The following ANKRD6 variants were observed in gnomAD, a reference collection of about 807,000 sequenced individuals.
ANKRD6 encodes the protein ankyrin repeat domain-containing protein 6.
ANKRD6 carries 56 observed loss-of-function variants against 82.3 expected under a neutral mutation model. The ratio of observed to expected loss-of-function variants is 0.68; its 90% CI spans 0.55 to 0.85. The LOEUF is 0.85. Ranked by LOEUF, ANKRD6 falls within the 40% of genes least tolerant of loss-of-function variation. The pLI is 0.00. For synonymous variants in ANKRD6, 347 were observed against 352.1 expected (o/e 0.99, Z 0.16); for missense variants, 852 against 907.6 (o/e 0.94, Z 0.79).
chr6:89,592,073 G>C, intron 2 of ANKRD6, among the ~76,000 whole-genome samples: 1 of 152,220 alleles, frequency 6.6e-6, no homozygotes, highest in Admixed American at 6.5e-5. Flanking sequence ...AAGAGACACA[G>C]AGACTGGGAA....
chr6:89,555,967 G>T (rs1248409649), intron 1 of ANKRD6, among the ~76,000 whole-genome samples: 1 of 152,144 alleles, frequency 6.6e-6, no homozygotes, highest in African/African-American at 2.4e-5. Context: ...GCTTTTACAT[G>T]CAAATTCAGC....
chr6:89,605,600 C>G (rs1041642434), intron 4 of ANKRD6, among the ~76,000 whole-genome samples: 1 of 152,140 alleles, frequency 6.6e-6, no homozygotes, highest in African/African-American at 2.4e-5. Context: ...TCTCTGATGC[C>G]AGGAGCAGAG....
chr6:89,609,503 T>C (rs760250963), intron 5 of ANKRD6, among the ~76,000 whole-genome samples: 1 of 152,156 alleles, frequency 6.6e-6, no homozygotes, highest in African/African-American at 2.4e-5. Context: ...CGTTTCACCA[T>C]GTTGGCCAGA....
chr6:89,469,005 C>T (rs1026804967), intron 1 of ANKRD6, among the ~76,000 whole-genome samples: 1 of 152,086 alleles, frequency 6.6e-6, no homozygotes, highest in Non-Finnish European at 1.5e-5. Context: ...AAGCTGTCTC[C>T]TGGCTTTTGG....
chr6:89,446,170 T>C (rs1217913679), intron 1 of ANKRD6, among the ~76,000 whole-genome samples: 2 of 151,628 alleles, frequency 1.3e-5, no homozygotes, highest in African/African-American at 2.4e-5. Flanking sequence ...CTGACCAACA[T>C]GGTGAAACTC....
At chr6:89,474,074 C>T (rs995570470) in intron 1 of ANKRD6, among the ~76,000 whole-genome samples, 11 of 152,078 alleles carry the variant, frequency 7.2e-5, no homozygotes, top group East Asian at 1.9e-4. Context: ...TCCAAATAGA[C>T]GACTGTCTCA....
intron 1 of ANKRD6, chr6:89,508,744 G>T (rs1317449594): frequency 6.6e-6 from 1 of 152,144 alleles, no homozygotes; most frequent in Non-Finnish European, 1.5e-5. Context: ...TGTTGTGAAT[G>T]GTCCCCACTT....
chr6:89,434,234 A>C (rs961277948), intron 1 of ANKRD6, among the ~76,000 whole-genome samples: 2 of 152,006 alleles, frequency 1.3e-5, no homozygotes, highest in Non-Finnish European at 2.9e-5. Context: ...ATTGTACATA[A>C]CCTCGTAGTA....
At chr6:89,540,754 G>A (rs546642366) in intron 1 of ANKRD6, among the ~76,000 whole-genome samples, 1 of 152,284 alleles carries the variant, frequency 6.6e-6, no homozygotes, top group African/African-American at 2.4e-5. Flanking sequence ...TTGTTTCATG[G>A]TTGCGGTATT....
chr6:89,467,874 C>T (rs544839196), intron 1 of ANKRD6, among the ~76,000 whole-genome samples: 5 of 152,274 alleles, frequency 3.3e-5, no homozygotes, highest in South Asian at 4.1e-4. Context: ...GCATATATTT[C>T]GTGAAACCTG....
intron 1 of ANKRD6, among the ~76,000 whole-genome samples, chr6:89,535,452 A>T (rs1783709833): frequency 6.6e-6 from 1 of 152,222 alleles, no homozygotes; most frequent in Non-Finnish European, 1.5e-5. Context: ...ACAAGCACAC[A>T]CACTCACAGA....
At chr6:89,522,177 T>C (rs181963041) in intron 1 of ANKRD6, among the ~76,000 whole-genome samples, 1 of 152,340 alleles carries the variant, frequency 6.6e-6, no homozygotes, top group African/African-American at 2.4e-5. Context: ...ATTCTGAATC[T>C]AGTTAACTTC....
intron 1 of ANKRD6, among the ~76,000 whole-genome samples, chr6:89,529,991 C>T (rs865921381): frequency 2.4e-4 from 37 of 152,114 alleles, no homozygotes; most frequent in Non-Finnish European, 8.8e-5. Context: ...TGGTGGTTCA[C>T]GTCTGTAATC....
Position 89,629,108 on chromosome 6 carries a change from T to C in ANKRD6, c.1486-4T>C. 6.2e-7 allele frequency: 1 copy of C among 1,604,608 alleles called. No homozygotes were observed. Among genetic ancestry groups the C allele is most frequent in the Non-Finnish European group, 8.5e-7 (1 of 1,177,370 alleles). On this transcript the variant is annotated splice_region_variant and splice_polypyrimidine_tract_variant and intron_variant, in intron 14 of 15. Transcript: ENST00000339746. ...TATTTGTGGGGTTTGTTTTTTTTTTTAAGATATCCTTGGTGGATGAATTAA... is the reference window on the plus strand; with the variant it reads ...TATTTGTGGGGTTTGTTTTTTTTTTCAAGATATCCTTGGTGGATGAATTAA...
In ANKRD6 at chr6:89,505,419, C is replaced by T. The variant is rs74575682; in HGVS notation, c.-143-61415C>T. 9.6e-3 allele frequency among the ~76,000 whole-genome samples: 1,457 copies of T among 152,338 alleles called. 15 individuals are homozygous for T. The highest frequency in any genetic ancestry group is 0.013 in the Non-Finnish European group (893 of 68,024). On this transcript the variant is annotated intron_variant, in intron 1 of 15. Transcript: ENST00000339746. ...AGAAGGAGACAGAATTGAGTGCTCA[C>T]AGAATCACTGGCAGGGCTGGGCCCT... is the stretch of plus-strand genomic sequence containing the variant.
chr6:89,546,462 TCGA>T (rs1785108316), intron 1 of ANKRD6, among the ~76,000 whole-genome samples: 1 of 67,510 alleles, frequency 1.5e-5, no homozygotes, highest in Non-Finnish European at 3.4e-5. Context: ...GATTGATTGA[TCGA>T]TTGATCGATT....
intron 1 of ANKRD6, among the ~76,000 whole-genome samples, chr6:89,535,509 G>A (rs1321700876): frequency 1.3e-5 from 2 of 152,164 alleles, no homozygotes; most frequent in African/African-American, 2.4e-5. Flanking sequence ...AATATGGAAC[G>A]TGATGCACAT....
Position 89,589,330 on chromosome 6 carries a change from G to A in ANKRD6, c.121-6586G>A, listed in dbSNP as rs1030603076. ...TTCTGTAGGTTGTAGTTCTCAAATGGCTCTGGTTCGCCTCCTTCCGAGGGT... is the reference window on the plus strand; with the variant it reads ...TTCTGTAGGTTGTAGTTCTCAAATGACTCTGGTTCGCCTCCTTCCGAGGGT... On this transcript the variant is annotated intron_variant, in intron 2 of 15. Transcript: ENST00000339746. 4.6e-5 allele frequency among the ~76,000 whole-genome samples: 7 copies of A among 152,180 alleles called. 1 individual carries two copies.
rs534213048 is a variant in ANKRD6 at position 89,480,602 on chromosome 6, CCTCA to C, written c.-144+47230_-144+47233del. Among the ~76,000 whole-genome samples, 167 of 150,194 alleles carry C rather than the reference CCTCA, an allele frequency of 1.1e-3. 1 individual carries two copies. Among genetic ancestry groups the C allele is most frequent in the African/African-American group, 3.9e-3 (159 of 41,156 alleles). ...TGTATATTTTTAAAAAAGATATCCT[CCTCA>C]CTAATTACTTTTTAAAAATTTTACT... On this transcript the variant is annotated intron_variant, in intron 1 of 15. Coordinates refer to ENST00000339746, the MANE Select transcript of ANKRD6 (RefSeq NM_001242809.2).
Sources: gnomAD v4.1 joint callset for allele counts (sites outside exome capture counted in the v4.1 genomes callset) on GRCh38, gnomAD v4.1.1 for gene constraint, MANE v1.5 for transcripts, NCBI Gene and HGNC (gene_info 2026-07-23, HGNC 2026-07-21) for gene names.